FOXP2: variants seen among roughly 807,000 people sequenced by gnomAD.
FOXP2 encodes forkhead box protein P2.
A neutral mutation model predicts 115.8 loss-of-function variants in FOXP2; 12 were observed. That is an observed-to-expected ratio of 0.10 (90% CI 0.07 to 0.17). FOXP2 has a LOEUF of 0.17. Ranked by LOEUF, FOXP2 falls within the 10% of genes least tolerant of loss-of-function variation. FOXP2 has a pLI of 1.00. For missense variants in FOXP2, 629 were observed against 843.5 expected, an observed-to-expected ratio of 0.75 and a Z score of 3.15; for synonymous variants, 328 against 297.7, an observed-to-expected ratio of 1.10 and a Z score of -1.05.
At chr7:114,460,523 A>T (rs981884914) in intron 2 of FOXP2, among the ~76,000 whole-genome samples, 1 of 152,198 alleles carries the variant, frequency 6.6e-6, no homozygotes, top group Admixed American at 6.5e-5. Context: ...TGTAGTGCAG[A>T]GGTAAGAATG....
chr7:114,128,422 C>CTTT (rs775767541), intron 1 of FOXP2, among the ~76,000 whole-genome samples: 2 of 135,708 alleles, frequency 1.5e-5, no homozygotes, highest in South Asian at 2.4e-4. Flanking sequence ...TTTTAAATTT[C>CTTT]TTTTTTTTTT....
intron 1 of FOXP2, among the ~76,000 whole-genome samples, chr7:114,259,997 C>T (rs566869684): frequency 2.6e-5 from 4 of 152,034 alleles, no homozygotes; most frequent in African/African-American, 7.2e-5. Flanking sequence ...TCAAGCGGTT[C>T]TCTTGCCTCA....
intron 16 of FOXP2, among the ~76,000 whole-genome samples, chr7:114,679,759 C>T (rs777439430): frequency 3.3e-5 from 5 of 152,250 alleles, no homozygotes; most frequent in South Asian, 4.1e-4. Flanking sequence ...ACAAAGCCTA[C>T]GTGAAGCTAC....
intron 2 of FOXP2, among the ~76,000 whole-genome samples, chr7:114,484,123 C>T (rs1326286367): frequency 2.0e-5 from 3 of 151,924 alleles, no homozygotes; most frequent in East Asian, 3.9e-4. Flanking sequence ...CCCCCATTTT[C>T]AAAACGATCT....
chr7:114,174,302 T>G (rs1318257764), intron 1 of FOXP2, among the ~76,000 whole-genome samples: 1 of 151,976 alleles, frequency 6.6e-6, no homozygotes, highest in African/African-American at 2.4e-5. Flanking sequence ...AGGGAAAGAA[T>G]TCTTATAGGA....
chr7:114,547,125 A>G (rs1282742168), intron 3 of FOXP2, among the ~76,000 whole-genome samples: 1 of 152,110 alleles, frequency 6.6e-6, no homozygotes, highest in African/African-American at 2.4e-5. Context: ...TCATATTACT[A>G]CTTTGTCTGC....
chr7:114,344,753 A>G (rs767639401), intron 2 of FOXP2, among the ~76,000 whole-genome samples: 3 of 151,818 alleles, frequency 2.0e-5, no homozygotes, highest in Non-Finnish European at 4.4e-5. Context: ...ACTAAATGCA[A>G]ACTGTTTACA....
At chr7:114,146,729 A>G (rs1485241841) in intron 1 of FOXP2, among the ~76,000 whole-genome samples, 1 of 152,216 alleles carries the variant, frequency 6.6e-6, no homozygotes, top group Non-Finnish European at 1.5e-5. Flanking sequence ...GAGGAAAACA[A>G]TTGTTGTTGC....
intron 10 of FOXP2, among the ~76,000 whole-genome samples, chr7:114,654,692 A>G (rs913217628): frequency 1.3e-5 from 2 of 152,260 alleles, no homozygotes; most frequent in East Asian, 1.9e-4. Flanking sequence ...ACTTTATCTC[A>G]TTCAGCTGAT....
chr7:114,691,013 T>G lies in FOXP2; in HGVS notation c.*1087T>G. ...AAATGCAATGAAGATTTGCTTTCAT[T>G]AAAGACAGAGGTGAGGACAAAATCC... is the stretch of plus-strand genomic sequence containing the variant. On this transcript the variant is annotated 3_prime_UTR_variant, in exon 17 of 17. Transcript: ENST00000350908. 2.2e-6 allele frequency: 1 copy of G among 454,350 alleles called. No homozygotes were observed. Among genetic ancestry groups the G allele is most frequent in the South Asian group, 1.6e-5 (1 of 64,478 alleles). The allele number at this position is 454,350 out of a possible 1,614,324, so 28.1% of individuals were successfully genotyped here.
intron 1 of FOXP2, among the ~76,000 whole-genome samples, chr7:114,113,637 A>C (rs1394027522): frequency 6.6e-6 from 1 of 151,994 alleles, no homozygotes; most frequent in Non-Finnish European, 1.5e-5. Context: ...CTGAGTACCC[A>C]GGACAACAGG....
In FOXP2 at chr7:114,426,438, C is replaced by T; in HGVS notation, c.-10-64C>T. On this transcript the variant is annotated intron_variant, in intron 1 of 16. Transcript: ENST00000350908. The stretch of plus-strand genomic sequence containing the variant: ...TGTCTCTGTAATTGGCAGAGAGGGA[C>T]ATCTTGATAATGGAAGTGTGAAGGT... 3.4e-6 allele frequency: 5 copies of T among 1,477,912 alleles called. No homozygotes were observed. The South Asian group carries it at 4.6e-5, about 14-fold the overall frequency. The allele number at this position is 1,477,912 out of a possible 1,614,324, so 91.5% of individuals were successfully genotyped here. A position where few individuals can be genotyped will look rare whatever the true frequency, so the allele number is the denominator to read the frequency against.
Position 114,664,276 on chromosome 7 carries a change from G to T in FOXP2, c.1843G>T (p.Ala615Ser), listed in dbSNP as rs182138317. Reference protein sequence around the residue: ...GAALNASLQAALAESSLPLLS... With the variant: ...GAALNASLQASLAESSLPLLS... Reference sequence around the variant, plus strand: ...TACACAATCTTCATTTCACTAGGCTGCCTTGGCAGAGAGCAGTTTACCTTT... The same window carrying T: ...TACACAATCTTCATTTCACTAGGCTTCCTTGGCAGAGAGCAGTTTACCTTT... Residue 615 changes from alanine (A) to serine (S), a missense_variant, in exon 16 of 17, where the codon GCC (alanine) becomes TCC (serine). Physicochemically the swap from Ala to Ser is moderately conservative, Grantham distance 99. Around this residue, in one of 9 missense-constraint regions of FOXP2, gnomAD observed 40 missense variants for 75.3 expected, o/e 0.53. Coordinates refer to ENST00000350908, the MANE Select transcript of FOXP2 (RefSeq NM_014491.4). 6 of 1,612,968 alleles carry T rather than the reference G, an allele frequency of 3.7e-6. No individual in the cohort carries two copies. The Admixed American group carries it at 1.0e-4, about 27-fold the overall frequency.
In FOXP2 at chr7:114,352,809, G is replaced by T. The variant is rs146109717; in HGVS notation, c.-11+64700G>T. On this transcript the variant is annotated intron_variant, in intron 2 of 17. Transcript: ENST00000634411. ...TCAACTATAATTTTTCTTGAGGGGT[G>T]GGTGCAATTTAGCATATAATAATGG... Among the ~76,000 whole-genome samples the T allele has an allele frequency of 1.8e-3, 278 of 152,124 alleles. 2 individuals carry two copies. The highest frequency in any genetic ancestry group is 6.4e-3 in the African/African-American group (265 of 41,518).
chr7:114,631,188 G>T, intron 5 of FOXP2: 1 of 324,822 alleles, frequency 3.1e-6, no homozygotes, highest in Non-Finnish European at 5.8e-6. Context: ...TGTCGTAGAA[G>T]TTGACTATTT....
chr7:114,442,670 C>T (rs1794658936), intron 2 of FOXP2, among the ~76,000 whole-genome samples: 1 of 152,004 alleles, frequency 6.6e-6, no homozygotes, highest in Non-Finnish European at 1.5e-5. Flanking sequence ...CTGAGGTTGG[C>T]CTCAAACTCC....
At chr7:114,614,941 C>T (rs1441541517) in intron 3 of FOXP2, among the ~76,000 whole-genome samples, 1 of 152,078 alleles carries the variant, frequency 6.6e-6, no homozygotes, top group Non-Finnish European at 1.5e-5. Context: ...AAAACTTTGG[C>T]TGGGCGCAGT....
intron 1 of FOXP2, among the ~76,000 whole-genome samples, chr7:114,220,112 G>A (rs997409556): frequency 1.3e-5 from 2 of 149,910 alleles, no homozygotes; most frequent in Non-Finnish European, 3.0e-5. Context: ...CTTGTGATCC[G>A]CCTGCCTCAG....
At chr7:114,325,574 C>G (rs1797535962) in intron 2 of FOXP2, among the ~76,000 whole-genome samples, 1 of 151,630 alleles carries the variant, frequency 6.6e-6, no homozygotes, top group Non-Finnish European at 1.5e-5. Context: ...TTTATCTGTT[C>G]TATCTTAAAG....
Sources: gnomAD v4.1 joint callset for allele counts (sites outside exome capture counted in the v4.1 genomes callset) on GRCh38, gnomAD v4.1.1 for gene constraint, gnomAD v4.1.1 regional missense constraint, MANE v1.5 for transcripts, NCBI Gene and HGNC (gene_info 2026-07-23, HGNC 2026-07-21) for gene names.